The following TENM4 variants were observed in gnomAD, a reference collection of about 807,000 sequenced individuals.
The protein encoded by TENM4 is teneurin transmembrane protein 4.
TENM4 carries 82 observed loss-of-function variants against 243.3 expected under a neutral mutation model. The observed-to-expected ratio is 0.34, with a 90% CI of 0.28 to 0.40. The LOEUF (loss-of-function observed/expected upper bound fraction) is 0.40. TENM4 is among the 10% of genes least tolerant of loss of function. The pLI, the probability that TENM4 is intolerant of heterozygous loss-of-function variation, is 1.00. For synonymous variants in TENM4, 1,412 were observed against 1,456.3 expected, an observed-to-expected ratio of 0.97 and a Z score of 0.69; for missense variants, 3,138 against 3,673.3, an observed-to-expected ratio of 0.85 and a Z score of 3.77.
chr11:79,083,663 C>A (rs1057222008), intron 4 of TENM4, among the ~76,000 whole-genome samples: 1 of 152,168 alleles, frequency 6.6e-6, no homozygotes, highest in Non-Finnish European at 1.5e-5. Flanking sequence ...CCTGTGAGAG[C>A]CTTCCTGGCG....
chr11:78,856,081 G>C lies in TENM4; in HGVS notation c.1353C>G (p.Phe451Leu). 6.4e-7 allele frequency: 1 copy of C among 1,551,718 alleles called. No homozygotes were observed. Among genetic ancestry groups the C allele is most frequent in the Non-Finnish European group, 8.7e-7 (1 of 1,147,008 alleles). ...GGTCTATGAACACTTGAGATCTCCA[G>C]AAAGTGCCAGGAGGAATCTTCTGGG... ...RASQKIPPGT[F>L]WRSQVFIDHP... Residue 451 changes from phenylalanine (F) to leucine (L), a missense_variant, in exon 11 of 34, where the codon TTC (phenylalanine) becomes TTG (leucine). By Grantham distance (22) the Phe-to-Leu change is conservative. Transcript: ENST00000278550.
rs566243469 is a variant in TENM4, at chr11:79,249,945, A to C, written c.-264-34036T>G. ...TTTATTACGTAAACTTTTATTGTGCATCAGTGATTCCCAGCACACTGCCTA... is the reference window on the plus strand; with the variant it reads ...TTTATTACGTAAACTTTTATTGTGCCTCAGTGATTCCCAGCACACTGCCTA... On this transcript the variant is annotated intron_variant, in intron 2 of 33. Transcript: ENST00000278550. Among the ~76,000 whole-genome samples the C allele has an allele frequency of 6.5e-4, 99 of 152,324 alleles. 3 individuals are homozygous for C. The South Asian group carries it at 0.02, about 31-fold the overall frequency.
chr11:79,033,164 T>C (rs1280131347), intron 6 of TENM4, among the ~76,000 whole-genome samples: 2 of 152,026 alleles, frequency 1.3e-5, no homozygotes, highest in Non-Finnish European at 2.9e-5. Context: ...CAATATGTAA[T>C]GAATTTGTTT....
At chr11:79,370,779 T>TAAAAAAAAAAAAAAAAAAAAAAAA (rs544196671) in intron 1 of TENM4, among the ~76,000 whole-genome samples, 2 of 57,144 alleles carry the variant, frequency 3.5e-5, no homozygotes, top group African/African-American at 1.2e-4. Context: ...ACTCCTATGG[T>TAAAAAAAAAAAAAAAAAAAAAAAA]AAAAAAAAAA....
chr11:79,086,835 C>CAA (rs371315703), intron 4 of TENM4, among the ~76,000 whole-genome samples: 6,515 of 88,804 alleles, frequency 0.073, 462 homozygotes, highest in East Asian at 0.17. Context: ...CTCTGTCTCG[C>CAA]AAAAAAAAAA....
In TENM4 at chr11:79,148,725, C is replaced by T; in HGVS notation, c.-81G>A. ...ATCAACTCACTTTTCTTTAAATCTTCTTAAAAGGGTCTAAGAATAGTCCTT... is the reference window on the plus strand; with the variant it reads ...ATCAACTCACTTTTCTTTAAATCTTTTTAAAAGGGTCTAAGAATAGTCCTT... On this transcript the variant is annotated 5_prime_UTR_variant, in exon 4 of 34. Transcript: ENST00000278550. The T allele has an allele frequency of 1.0e-6, 1 of 969,838 alleles. No individual in the cohort carries two copies. The highest frequency in any genetic ancestry group is 1.2e-6 in the Non-Finnish European group (1 of 815,660). The allele number at this position is 969,838 out of a possible 1,614,324, so 60.1% of individuals were successfully genotyped here.
chr11:79,187,112 T>G (rs1447951435), intron 3 of TENM4, among the ~76,000 whole-genome samples: 1 of 152,192 alleles, frequency 6.6e-6, no homozygotes, highest in Non-Finnish European at 1.5e-5. Context: ...TTACACACAC[T>G]GCTCTAATGA....
intron 3 of TENM4, among the ~76,000 whole-genome samples, chr11:79,189,688 G>C (rs1353615471): frequency 6.6e-6 from 1 of 152,194 alleles, no homozygotes; most frequent in East Asian, 1.9e-4. Flanking sequence ...AGGTGTTGTA[G>C]GGCCTCCATA....
chr11:79,140,321 C>G (rs1177921029), intron 4 of TENM4, among the ~76,000 whole-genome samples: 1 of 152,110 alleles, frequency 6.6e-6, no homozygotes, highest in Non-Finnish European at 1.5e-5. Flanking sequence ...TCCGGGCTCC[C>G]TACCCCCAAG....
At chr11:79,177,055 G>C (rs888282534) in intron 3 of TENM4, among the ~76,000 whole-genome samples, 1 of 152,084 alleles carries the variant, frequency 6.6e-6, no homozygotes, top group African/African-American at 2.4e-5. Context: ...ATGCAGACAT[G>C]ACCGTGCCAC....
chr11:78,867,807 T>C (rs1859020703), intron 9 of TENM4, among the ~76,000 whole-genome samples: 1 of 152,202 alleles, frequency 6.6e-6, no homozygotes, highest in Non-Finnish European at 1.5e-5. Context: ...AGAAGTAAAG[T>C]AAGTTACTGG....
At chr11:79,123,565 C>G (rs939937574) in intron 4 of TENM4, among the ~76,000 whole-genome samples, 7 of 150,906 alleles carry the variant, frequency 4.6e-5, no homozygotes, top group Non-Finnish European at 1.0e-4. Flanking sequence ...GTTGAGAACT[C>G]TGGACTCTTC....
intron 1 of TENM4, among the ~76,000 whole-genome samples, chr11:79,387,162 C>T (rs1221298150): frequency 6.6e-6 from 1 of 152,184 alleles, no homozygotes; most frequent in African/African-American, 2.4e-5. Context: ...AGTATATGCT[C>T]TGTGACTCCA....
intron 28 of TENM4, among the ~76,000 whole-genome samples, chr11:78,696,167 G>C (rs1213278299): frequency 1.3e-5 from 2 of 152,022 alleles, no homozygotes; most frequent in Non-Finnish European, 1.5e-5. Flanking sequence ...CCTCCAGAGA[G>C]AGCAGCCCAT....
chr11:78,696,488 G>A (rs528594235), intron 28 of TENM4, among the ~76,000 whole-genome samples: 54 of 138,128 alleles, frequency 3.9e-4, no homozygotes, highest in Non-Finnish European at 6.0e-4. Flanking sequence ...GCCTGAGTGA[G>A]TGATAGGTTT....
intron 1 of TENM4, among the ~76,000 whole-genome samples, chr11:79,375,048 A>G (rs2135515512): frequency 6.6e-6 from 1 of 152,258 alleles, no homozygotes; most frequent in South Asian, 2.1e-4. Context: ...GATTTCAAAT[A>G]TTTTCTTTGT....
intron 25 of TENM4, among the ~76,000 whole-genome samples, chr11:78,716,368 T>G (rs1590962937): frequency 6.6e-6 from 1 of 152,350 alleles, no homozygotes; most frequent in Non-Finnish European, 1.5e-5. Flanking sequence ...CTTACAAAGT[T>G]TATACTTTTA....
intron 6 of TENM4, among the ~76,000 whole-genome samples, chr11:78,939,175 G>C (rs531636238): frequency 1.3e-5 from 2 of 152,288 alleles, no homozygotes; most frequent in South Asian, 4.1e-4. Context: ...CTGGAACGGA[G>C]ATGAATTTTC....
intron 2 of TENM4, among the ~76,000 whole-genome samples, chr11:79,273,751 A>G (rs1441504162): frequency 6.6e-6 from 1 of 152,188 alleles, no homozygotes; most frequent in East Asian, 1.9e-4. Flanking sequence ...CCTCGTTAGC[A>G]GCATCCTGTA....
Sources: allele counts gnomAD v4.1 joint callset (sites outside exome capture counted in the v4.1 genomes callset), GRCh38; gene constraint gnomAD v4.1.1; transcripts MANE v1.5; gene names NCBI Gene and HGNC (gene_info 2026-07-23, HGNC 2026-07-21).